Variants in TMEM181 observed in about 807,000 individuals in gnomAD.
TMEM181 encodes transmembrane protein 181, also known as G protein-coupled receptor 178.
TMEM181 carries 39 observed loss-of-function variants against 71.9 expected under a neutral mutation model. That is an observed-to-expected ratio of 0.54 (90% CI 0.42 to 0.71). TMEM181 has a LOEUF of 0.71. TMEM181 is among the 30% of genes least tolerant of loss of function. TMEM181 has a pLI of 0.00. For missense variants in TMEM181, 595 were observed against 583.0 expected (o/e 1.02, Z -0.21); for synonymous variants, 245 against 228.8 (o/e 1.07, Z -0.64).
rs1783616871 is a variant in TMEM181, at chr6:158,583,961, C to T, written c.176C>T (p.Pro59Leu). Reference sequence around the variant, plus strand: ...TTGTTTTTTTTTCTTCAGCTAAAGCCAATTCAAATACTTTCAAATCCACTG... The same window carrying T: ...TTGTTTTTTTTTCTTCAGCTAAAGCTAATTCAAATACTTTCAAATCCACTG... Reference protein sequence around the residue: ...FSLNNSKKLKPIQILSNPLST... With the variant: ...FSLNNSKKLKLIQILSNPLST... Residue 59 changes from proline (P) to leucine (L), a missense_variant, in exon 4 of 17, where the codon CCA becomes CTA. Pro to Leu is a moderately conservative substitution (Grantham distance 98). Coordinates refer to ENST00000684151, the MANE Select transcript of TMEM181 (RefSeq NM_001376852.1). 1 of 1,603,358 alleles carries T rather than the reference C, an allele frequency of 6.2e-7. No homozygotes were observed. Among genetic ancestry groups the T allele is most frequent in the African/African-American group, 1.3e-5 (1 of 74,732 alleles).
chr6:158,561,297 C>G (rs950059447), intron 1 of TMEM181, among the ~76,000 whole-genome samples: 2 of 152,208 alleles, frequency 1.3e-5, no homozygotes, highest in African/African-American at 4.8e-5. Flanking sequence ...GTTGCTTTAG[C>G]ACCTCTTGGG....
At chr6:158,544,182 A>AGAGAGAGAGAGTGTGTGTGTGT (rs149735409) in intron 1 of TMEM181, among the ~76,000 whole-genome samples, 100 of 127,644 alleles carry the variant, frequency 7.8e-4, no homozygotes, top group Non-Finnish European at 1.2e-3. Flanking sequence ...AATTGGAGAG[A>AGAGAGAGAGAGTGTGTGTGTGT]GTGTGTGTGT....
chr6:158,550,256 GCT>G (rs1781675348), intron 1 of TMEM181, among the ~76,000 whole-genome samples: 1 of 151,752 alleles, frequency 6.6e-6, no homozygotes, highest in South Asian at 2.1e-4. Context: ...TGTTGGTCAG[GCT>G]GGTCTCGAAC....
At position 158,626,008 on chromosome 6, in the gene TMEM181, C is replaced by G. The variant is rs148622420; in HGVS notation, c.1109+254C>G. On this transcript the variant is annotated intron_variant, in intron 13 of 16. Transcript: ENST00000684151. ...CGGCCCGCGCTGGGCATGTTCTGTC[C>G]TTGCTGTGCCACCTGCTATGTGTGC... is the stretch of plus-strand genomic sequence containing the variant. 2.6e-3 allele frequency among the ~76,000 whole-genome samples: 399 copies of G among 152,356 alleles called. 1 individual carries two copies. Among genetic ancestry groups the G allele is most frequent in the Non-Finnish European group, 4.8e-3 (325 of 68,032 alleles).
At chr6:158,541,898 C>CT (rs10583860) in intron 1 of TMEM181, among the ~76,000 whole-genome samples, 1,782 of 66,458 alleles carry the variant, frequency 0.027, 10 homozygotes, top group Admixed American at 0.031. Flanking sequence ...GGGATTTTAT[C>CT]TTTTTTTTTT....
At position 158,554,505 on chromosome 6, in the gene TMEM181, C is replaced by G. The variant is rs1433281407; in HGVS notation, c.131+17640C>G. ...AAAGTGCTAGGATTATAGGCGTGAG[C>G]CACTTCGCCTGGCCAATGCTGTTTC... On this transcript the variant is annotated intron_variant, in intron 1 of 16. Coordinates refer to the TMEM181 transcript ENST00000367090. 2.6e-5 allele frequency among the ~76,000 whole-genome samples: 4 copies of G among 152,204 alleles called. No homozygotes were observed. The South Asian group carries it at 6.2e-4, about 24-fold the overall frequency.
chr6:158,577,787 A>G (rs1783246297), intron 2 of TMEM181, among the ~76,000 whole-genome samples: 1 of 152,188 alleles, frequency 6.6e-6, no homozygotes, highest in African/African-American at 2.4e-5. Context: ...TGATACATTC[A>G]AAGTTCTAAA....
chr6:158,568,269 G>A (rs1292657945), intron 1 of TMEM181, among the ~76,000 whole-genome samples: 1 of 151,690 alleles, frequency 6.6e-6, no homozygotes, highest in Non-Finnish European at 1.5e-5. Flanking sequence ...AGCTCAGTTT[G>A]AAACCTTTTG....
chr6:158,585,134 G>T (rs1192368095), intron 4 of TMEM181, among the ~76,000 whole-genome samples, 170 bp from the exon 5 acceptor site: 1 of 152,160 alleles, frequency 6.6e-6, no homozygotes, highest in Admixed American at 6.5e-5. Flanking sequence ...TAATGGAAAG[G>T]CTTTTACTTT....
chr6:158,556,848 T>G (rs1337151775), upstream of TMEM181, among the ~76,000 whole-genome samples: 1 of 152,114 alleles, frequency 6.6e-6, no homozygotes, highest in East Asian at 1.9e-4. Context: ...CTGTAACCTC[T>G]GCCTCCTGGG....
intron 1 of TMEM181, among the ~76,000 whole-genome samples, chr6:158,570,380 C>T (rs1000396859): frequency 1.7e-4 from 26 of 151,964 alleles, no homozygotes; most frequent in Admixed American, 1.7e-3. Context: ...CTACAGGTGC[C>T]CGCCACAAAG....
chr6:158,631,331 C>G lies in TMEM181; in HGVS notation c.1291C>G (p.Leu431Val). 6.2e-7 allele frequency: 1 copy of G among 1,614,212 alleles called. No homozygotes were observed. The highest frequency in any genetic ancestry group is 8.5e-7 in the Non-Finnish European group (1 of 1,180,034). Residue 431 changes from leucine to valine, a missense_variant, in exon 16 of 17, where the codon CTG becomes GTG. Coordinates refer to ENST00000684151, the MANE Select transcript of TMEM181 (RefSeq NM_001376852.1). ...CTCTTGTTGGTTTTCAGAGTCCCAG[C>G]TGAAAGACAATCCTGCCTTCTCCAT... is the stretch of plus-strand genomic sequence containing the variant. ...PSKNALYESQ[L>V]KDNPAFSMLN...
intron 6 of TMEM181, among the ~76,000 whole-genome samples, chr6:158,595,496 A>T (rs1053967751): frequency 6.6e-6 from 1 of 152,254 alleles, no homozygotes; most frequent in African/African-American, 2.4e-5. Flanking sequence ...TTAGATATTC[A>T]CAGCAGCGCA....
intron 1 of TMEM181, among the ~76,000 whole-genome samples, chr6:158,564,991 G>T (rs535281021): frequency 6.6e-6 from 1 of 152,166 alleles, no homozygotes; most frequent in African/African-American, 2.4e-5. Flanking sequence ...GGTCTTACCC[G>T]CCTACCGTCG....
In TMEM181 at chr6:158,608,329, C is replaced by G. The variant is rs1291015558; in HGVS notation, c.674-4C>G. On this transcript the variant is annotated splice_polypyrimidine_tract_variant and splice_region_variant and intron_variant, in intron 8 of 16. Coordinates refer to ENST00000684151, the MANE Select transcript of TMEM181 (RefSeq NM_001376852.1). ...CACATGGATTTCTGCCCTTTGTGTT[C>G]CAGATCCGTTCTTCCCCCTCTCCTT... is the stretch of plus-strand genomic sequence containing the variant. 2 of 1,614,164 alleles carry G rather than the reference C, an allele frequency of 1.2e-6. No homozygotes were observed. The highest frequency in any genetic ancestry group is 1.7e-5 in the Admixed American group (1 of 60,030).
chr6:158,585,446 C>G (rs779673557), intron 5 of TMEM181, 21 bp downstream of exon 5: 1 of 1,556,664 alleles, frequency 6.4e-7, no homozygotes, highest in African/African-American at 1.4e-5. Context: ...GGGGTGAGCC[C>G]CACAGTCAGT....
At chr6:158,554,125 GC>G (rs1159248545) in intron 1 of TMEM181, among the ~76,000 whole-genome samples, 1 of 149,990 alleles carries the variant, frequency 6.7e-6, no homozygotes, top group Non-Finnish European at 1.5e-5. Context: ...CGCTTTTGTT[GC>G]CCAGGCTGGA....
At chr6:158,576,980 T>C (rs1481548020) in intron 2 of TMEM181, among the ~76,000 whole-genome samples, 1 of 145,934 alleles carries the variant, frequency 6.9e-6, no homozygotes, top group African/African-American at 2.6e-5. Flanking sequence ...GAGAATGGTG[T>C]GAACCCGGGA....
At position 158,625,762 on chromosome 6, in the gene TMEM181, G is replaced by A. The variant is rs777312666; in HGVS notation, c.1109+8G>A. The A allele has an allele frequency of 1.2e-6, 2 of 1,607,696 alleles. No homozygotes were observed. The highest frequency in any genetic ancestry group is 2.2e-5 in the East Asian group (1 of 44,866). On this transcript the variant is annotated splice_region_variant and intron_variant, in intron 13 of 16. Transcript: ENST00000684151. The stretch of plus-strand genomic sequence containing the variant: ...CGTAGTACTTGTCATTAGGTAAGAA[G>A]ACCTTATTTCTTGAAAACAGCAAAA...
Sources: allele counts gnomAD v4.1 joint callset (sites outside exome capture counted in the v4.1 genomes callset), GRCh38; gene constraint gnomAD v4.1.1; transcripts MANE v1.5; gene names NCBI Gene and HGNC (gene_info 2026-07-23, HGNC 2026-07-21).